Variants in GRIA4 observed in about 807,000 individuals in gnomAD.
The protein encoded by GRIA4 is glutamate receptor 4.
In GRIA4, 34 loss-of-function variants were observed where a neutral mutation model predicts 104.0. That is an observed-to-expected ratio of 0.33 (90% CI 0.25 to 0.44). GRIA4 has a LOEUF of 0.44. Among genes scored for constraint, GRIA4 ranks in the 20% least tolerant of loss-of-function variants. GRIA4 has a pLI of 1.00. For missense variants in GRIA4, 750 were observed against 1,096.5 expected, an observed-to-expected ratio of 0.68 and a Z score of 4.46; for synonymous variants, 386 against 381.9, an observed-to-expected ratio of 1.01 and a Z score of -0.13.
chr11:105,918,778 T>C lies in GRIA4; in HGVS notation c.1336T>C (p.Tyr446His). ...MFEGNDKYEG[Y>H]CVDLASEIAK... Reference sequence around the variant, plus strand: ...TGAAGGAAATGACAAGTATGAAGGATACTGTGTAGATTTGGCATCTGAAAT... The same window carrying C: ...TGAAGGAAATGACAAGTATGAAGGACACTGTGTAGATTTGGCATCTGAAAT... Residue 446 changes from tyrosine to histidine, a missense_variant, in exon 11 of 17, where the codon TAC (tyrosine) becomes CAC (histidine). Physicochemically the swap from Tyr to His is moderately conservative, Grantham distance 83 (BLOSUM62 2). Around this residue, in one of 3 missense-constraint regions of GRIA4, gnomAD observed 272 missense variants for 524.5 expected, o/e 0.52. Coordinates refer to ENST00000282499, the MANE Select transcript of GRIA4 (RefSeq NM_000829.4). 1 of 1,599,314 alleles carries C rather than the reference T, an allele frequency of 6.3e-7. No homozygotes were observed. Among genetic ancestry groups the C allele is most frequent in the South Asian group, 1.1e-5 (1 of 90,798 alleles).
At chr11:105,811,356 A>C (rs73554220) in intron 4 of GRIA4, among the ~76,000 whole-genome samples, 1,684 of 152,264 alleles carry the variant, frequency 0.011, 34 homozygotes, top group African/African-American at 0.038. Flanking sequence ...GAGACCTCTA[A>C]TCCATCTCTT....
chr11:105,668,266 A>C (rs1952239398), intron 3 of GRIA4, among the ~76,000 whole-genome samples: 1 of 146,450 alleles, frequency 6.8e-6, no homozygotes, highest in South Asian at 2.1e-4. Flanking sequence ...TATATTCGAC[A>C]TTTTCTAAGA....
chr11:105,701,577 G>A (rs1565476015), intron 3 of GRIA4, among the ~76,000 whole-genome samples: 1 of 152,024 alleles, frequency 6.6e-6, no homozygotes, highest in East Asian at 1.9e-4. Context: ...CATATGAATA[G>A]GAAACAAGGT....
chr11:105,903,293 A>C (rs1445496411), intron 7 of GRIA4, among the ~76,000 whole-genome samples: 2 of 152,234 alleles, frequency 1.3e-5, no homozygotes, highest in Non-Finnish European at 2.9e-5. Flanking sequence ...TCTGAATAAC[A>C]ATAAACAATT....
At chr11:105,690,216 C>T (rs1238707976) in intron 3 of GRIA4, among the ~76,000 whole-genome samples, 1 of 152,122 alleles carries the variant, frequency 6.6e-6, no homozygotes, top group Non-Finnish European at 1.5e-5. Flanking sequence ...GGGAGAATTC[C>T]TTGATTTCCA....
At chr11:105,699,605 G>C (rs531218503) in intron 3 of GRIA4, among the ~76,000 whole-genome samples, 9 of 152,020 alleles carry the variant, frequency 5.9e-5, no homozygotes, top group African/African-American at 2.2e-4. Flanking sequence ...GTTCCTTGAG[G>C]TCAAGGGCTA....
chr11:105,657,017 T>C (rs542385892), intron 3 of GRIA4, among the ~76,000 whole-genome samples: 1 of 147,136 alleles, frequency 6.8e-6, no homozygotes, highest in East Asian at 2.0e-4. Context: ...TGTATATTTA[T>C]AAAGATGGGT....
At chr11:105,707,284 G>C (rs1591111996) in intron 3 of GRIA4, 1 of 153,146 alleles carries the variant, frequency 6.5e-6, no homozygotes, top group Middle Eastern at 3.4e-3. Flanking sequence ...AGGTCATTCT[G>C]ACTAAAGATG....
At chr11:105,906,384 G>C (rs1388868769) in intron 9 of GRIA4, among the ~76,000 whole-genome samples, 6 of 152,166 alleles carry the variant, frequency 3.9e-5, no homozygotes, top group African/African-American at 1.4e-4. Flanking sequence ...AGAAAGGAAG[G>C]CTGCATGGAG....
intron 4 of GRIA4, among the ~76,000 whole-genome samples, chr11:105,792,881 T>C (rs983460750): frequency 7.0e-6 from 1 of 142,454 alleles, no homozygotes; most frequent in African/African-American, 2.7e-5. Context: ...GTCTGATCTA[T>C]GCCAGTTTGC....
intron 3 of GRIA4, among the ~76,000 whole-genome samples, chr11:105,636,070 G>A (rs531520321): frequency 7.2e-5 from 11 of 152,184 alleles, no homozygotes; most frequent in African/African-American, 1.7e-4. Context: ...GTTATCTAGT[G>A]TATTTATAAT....
chr11:105,785,443 T>C (rs1444808497), intron 4 of GRIA4, among the ~76,000 whole-genome samples: 2 of 152,108 alleles, frequency 1.3e-5, no homozygotes, highest in African/African-American at 2.4e-5. Flanking sequence ...GGTAAATAAA[T>C]AGAACACCAG....
intron 4 of GRIA4, among the ~76,000 whole-genome samples, chr11:105,789,237 A>G (rs1045071014): frequency 1.3e-5 from 2 of 152,176 alleles, no homozygotes; most frequent in Non-Finnish European, 2.9e-5. Context: ...GATATGATGA[A>G]CTATAGATCT....
intron 3 of GRIA4, among the ~76,000 whole-genome samples, chr11:105,693,183 C>T (rs970339826): frequency 3.3e-5 from 5 of 152,090 alleles, no homozygotes; most frequent in African/African-American, 4.8e-5. Context: ...AGAAATTAGA[C>T]CAAAAACATG....
chr11:105,962,655 C>G (rs1948771550), intron 14 of GRIA4, among the ~76,000 whole-genome samples: 1 of 152,058 alleles, frequency 6.6e-6, no homozygotes, highest in Admixed American at 6.5e-5. Flanking sequence ...GATTTTCTCA[C>G]CTAGATTTTC....
At chr11:105,945,772 C>T (rs1020052336) in intron 14 of GRIA4, among the ~76,000 whole-genome samples, 1 of 152,226 alleles carries the variant, frequency 6.6e-6, no homozygotes, top group East Asian at 1.9e-4. Flanking sequence ...TAGTACTAGT[C>T]TTCCATTAAG....
intron 3 of GRIA4, among the ~76,000 whole-genome samples, chr11:105,615,696 G>A (rs183555777): frequency 1.5e-3 from 227 of 151,812 alleles, no homozygotes; most frequent in Non-Finnish European, 2.4e-3. Context: ...TAACAGAATA[G>A]TTATCTTTGC....
intron 4 of GRIA4, among the ~76,000 whole-genome samples, chr11:105,827,909 C>G (rs1033729062): frequency 3.9e-5 from 6 of 152,034 alleles, no homozygotes. Flanking sequence ...TTCTGCCAAA[C>G]ACTTGACATG....
chr11:105,845,833 G>A (rs1944571862), intron 4 of GRIA4, among the ~76,000 whole-genome samples: 1 of 152,186 alleles, frequency 6.6e-6, no homozygotes. Context: ...GGAGCTTGCA[G>A]TGAGCCTAGA....
Sources: gnomAD v4.1 joint callset for allele counts (sites outside exome capture counted in the v4.1 genomes callset) on GRCh38, gnomAD v4.1.1 for gene constraint, gnomAD v4.1.1 regional missense constraint, MANE v1.5 for transcripts, NCBI Gene and HGNC (gene_info 2026-07-23, HGNC 2026-07-21) for gene names.